ANTXR1: variants seen among roughly 807,000 people sequenced by gnomAD.
The protein encoded by ANTXR1 is anthrax toxin receptor 1.
Under a neutral mutation model 78.1 loss-of-function variants are expected in ANTXR1, and 19 were observed. The observed-to-expected ratio is 0.24, with a 90% CI of 0.17 to 0.36. The LOEUF is 0.36. ANTXR1 is among the 10% of genes least tolerant of loss of function. The probability of loss-of-function intolerance (pLI) is 1.00; values close to 1 mark genes in which losing one functional copy is unlikely to be tolerated. For missense variants in ANTXR1, 518 were observed against 718.6 expected, an observed-to-expected ratio of 0.72 and a Z score of 3.19; for synonymous variants, 273 against 260.5, an observed-to-expected ratio of 1.05 and a Z score of -0.46.
At chr2:69,076,883 T>C (rs947251237) in intron 7 of ANTXR1, among the ~76,000 whole-genome samples, 1 of 152,198 alleles carries the variant, frequency 6.6e-6, no homozygotes, top group Admixed American at 6.5e-5. Flanking sequence ...CTCCTGGCCC[T>C]CAGTTTCCTG....
chr2:69,030,464 A>T (rs147141144), intron 1 of ANTXR1, among the ~76,000 whole-genome samples: 2 of 152,348 alleles, frequency 1.3e-5, no homozygotes, highest in African/African-American at 4.8e-5. Context: ...ACATATTGTT[A>T]AAAAACTAAC....
At chr2:69,030,980 G>A (rs1196249872) in intron 1 of ANTXR1, among the ~76,000 whole-genome samples, 4 of 152,176 alleles carry the variant, frequency 2.6e-5, no homozygotes. Context: ...GCCTGTTTTT[G>A]TAAATAAAAT....
At chr2:69,210,891 G>A (rs796812592) in intron 17 of ANTXR1, among the ~76,000 whole-genome samples, 6 of 148,448 alleles carry the variant, frequency 4.0e-5, no homozygotes, top group Non-Finnish European at 7.4e-5. Flanking sequence ...AGCTGAGATC[G>A]TGCCACTGCA....
chr2:69,095,880 C>A (rs1671382240), intron 9 of ANTXR1, among the ~76,000 whole-genome samples: 2 of 152,252 alleles, frequency 1.3e-5, no homozygotes, highest in African/African-American at 4.8e-5. Flanking sequence ...CTGAGGAAAC[C>A]AGTATTCCTG....
At chr2:69,224,528 C>T (rs576974776) in intron 17 of ANTXR1, among the ~76,000 whole-genome samples, 23 of 152,312 alleles carry the variant, frequency 1.5e-4, no homozygotes, top group South Asian at 1.0e-3. Context: ...CCTGCAAGTG[C>T]CCTACTTCCA....
intron 14 of ANTXR1, chr2:69,172,353 A>C: frequency 6.2e-7 from 1 of 1,608,872 alleles, no homozygotes. Context: ...CTCCTTCCTA[A>C]TGTATTTTGG....
intron 3 of ANTXR1, among the ~76,000 whole-genome samples, chr2:69,051,175 A>C (rs1669921054): frequency 6.6e-6 from 1 of 151,976 alleles, no homozygotes; most frequent in Non-Finnish European, 1.5e-5. Context: ...AATCCCACCT[A>C]CTTGGGAGGC....
intron 12 of ANTXR1, chr2:69,146,518 A>G: frequency 2.1e-6 from 1 of 467,304 alleles, no homozygotes; most frequent in Non-Finnish European, 2.8e-6. Context: ...AACTACATGC[A>G]GGGGCTACCT....
At chr2:69,054,254 C>T (rs757010229) in intron 3 of ANTXR1, among the ~76,000 whole-genome samples, 3 of 152,134 alleles carry the variant, frequency 2.0e-5, no homozygotes, top group Admixed American at 6.5e-5. Context: ...TCAAGAAGCG[C>T]TATCCCAGTG....
At chr2:69,037,714 C>A (rs927125771) in intron 1 of ANTXR1, among the ~76,000 whole-genome samples, 3 of 152,190 alleles carry the variant, frequency 2.0e-5, no homozygotes, top group Non-Finnish European at 4.4e-5. Flanking sequence ...AGGTGATCCA[C>A]CTGCCTTGGC....
chr2:69,103,938 A>AT (rs72060440), intron 10 of ANTXR1, among the ~76,000 whole-genome samples: 3,245 of 133,842 alleles, frequency 0.024, 63 homozygotes, highest in African/African-American at 0.041. Flanking sequence ...CTGATAGCCT[A>AT]TTTTTTTTTT....
chr2:69,206,654 C>T (rs1273400085), intron 17 of ANTXR1, among the ~76,000 whole-genome samples: 2 of 152,162 alleles, frequency 1.3e-5, no homozygotes, highest in Non-Finnish European at 2.9e-5. Context: ...CTAGGGGATG[C>T]CATGCAGTCC....
chr2:69,031,005 G>A (rs1229011339), intron 1 of ANTXR1, among the ~76,000 whole-genome samples: 2 of 152,154 alleles, frequency 1.3e-5, no homozygotes, highest in Admixed American at 1.3e-4. Context: ...TTGTAGTACG[G>A]CCACATTCAT....
At chr2:69,166,210 G>A (rs1673824201) in intron 13 of ANTXR1, among the ~76,000 whole-genome samples, 1 of 152,160 alleles carries the variant, frequency 6.6e-6, no homozygotes. Context: ...GATTCTACCT[G>A]GTCTTTTCTG....
At chr2:69,161,606 A>G (rs1295175502) in intron 13 of ANTXR1, among the ~76,000 whole-genome samples, 2 of 152,192 alleles carry the variant, frequency 1.3e-5, no homozygotes, top group African/African-American at 4.8e-5. Context: ...ATCCTCCATC[A>G]ACTAGCATCT....
intron 12 of ANTXR1, among the ~76,000 whole-genome samples, chr2:69,127,269 G>A (rs754188579): frequency 1.3e-5 from 2 of 152,180 alleles, no homozygotes; most frequent in Non-Finnish European, 2.9e-5. Context: ...TGGTATTTGA[G>A]TAGCAACCTG....
chr2:69,244,085 GT>G (rs1179440012), intron 17 of ANTXR1, among the ~76,000 whole-genome samples: 1 of 152,220 alleles, frequency 6.6e-6, no homozygotes, highest in African/African-American at 2.4e-5. Context: ...TTGCACAGAA[GT>G]TCCTGAGTAC....
At chr2:69,170,007 C>G (rs967352962) in intron 13 of ANTXR1, among the ~76,000 whole-genome samples, 4 of 152,192 alleles carry the variant, frequency 2.6e-5, no homozygotes, top group African/African-American at 9.6e-5. Flanking sequence ...ACATTTATTT[C>G]TCTATACAAA....
At chr2:69,201,270 G>C (rs978110486) in intron 17 of ANTXR1, among the ~76,000 whole-genome samples, 1 of 152,178 alleles carries the variant, frequency 6.6e-6, no homozygotes, top group Non-Finnish European at 1.5e-5. Flanking sequence ...CAAGAAGGGG[G>C]AATGGAGTTG....
Sources: gnomAD v4.1 joint callset for allele counts (sites outside exome capture counted in the v4.1 genomes callset) on GRCh38, gnomAD v4.1.1 for gene constraint, MANE v1.5 for transcripts, NCBI Gene and HGNC (gene_info 2026-07-23, HGNC 2026-07-21) for gene names.